PHF2: variants seen among roughly 807,000 people sequenced by gnomAD.
PHF2 encodes PHD finger protein 2.
In PHF2, 27 loss-of-function variants were observed where a neutral mutation model predicts 120.5. That is an observed-to-expected ratio of 0.22 (90% CI 0.17 to 0.31). The LOEUF (loss-of-function observed/expected upper bound fraction) is 0.31. Among genes scored for constraint, PHF2 ranks in the 10% least tolerant of loss-of-function variants. The pLI is 1.00. For synonymous variants in PHF2, 568 were observed against 592.5 expected, an observed-to-expected ratio of 0.96 and a Z score of 0.60; for missense variants, 1,024 against 1,434.8, an observed-to-expected ratio of 0.71 and a Z score of 4.63.
Position 93,665,812 on chromosome 9 carries a change from C to T in PHF2, c.2064C>T (p.Ile688=), listed in dbSNP as rs756453304. ...EYVSDDGELK[I]DEFPIRRKKN... ...TGTCGGATGACGGTGAGCTCAAGAT[C>T]GACGAGTTTCCCATCAGGAGGAAGA... Residue 688 remains isoleucine, a synonymous_variant, in exon 15 of 22, where the codon ATC becomes ATT. Transcript: ENST00000359246. The T allele has an allele frequency of 1.1e-5, 17 of 1,613,704 alleles. 1 individual carries two copies. Among genetic ancestry groups the T allele is most frequent in the South Asian group, 3.3e-5 (3 of 91,074 alleles).
At chr9:93,658,763 G>T (rs1163544736) in intron 10 of PHF2, among the ~76,000 whole-genome samples, 1 of 152,062 alleles carries the variant, frequency 6.6e-6, no homozygotes, top group Non-Finnish European at 1.5e-5. Context: ...CTGATTGCAG[G>T]TGCAGCACCC....
In PHF2 at chr9:93,656,027, G is replaced by A. The variant is rs774181560; in HGVS notation, c.1040+6G>A. The stretch of plus-strand genomic sequence containing the variant: ...AGTGTGGAGATGCAGATGAGGTAGT[G>A]CCTGCCGCGCTGTCTGCCCTCGGGC... On this transcript the variant is annotated splice_donor_region_variant and intron_variant, in intron 8 of 21. Coordinates refer to ENST00000359246, the MANE Select transcript of PHF2 (RefSeq NM_005392.4). The surrounding 1 kb of genome is among the most constrained non-coding windows in gnomAD (Gnocchi z 4.1). 1 of 1,609,470 alleles carries A rather than the reference G, an allele frequency of 6.2e-7. No homozygotes were observed. The highest frequency in any genetic ancestry group is 8.5e-7 in the Non-Finnish European group (1 of 1,177,862).
intron 1 of PHF2, among the ~76,000 whole-genome samples, chr9:93,583,778 G>C (rs1253224672): frequency 1.3e-5 from 2 of 149,012 alleles, no homozygotes; most frequent in Non-Finnish European, 3.0e-5. Context: ...TTGCTGAAGT[G>C]TAAGAGTTCT....
chr9:93,648,981 C>A, intron 4 of PHF2, 90 bp from the exon 5 acceptor site: 1 of 1,449,872 alleles, frequency 6.9e-7, no homozygotes, highest in Non-Finnish European at 9.4e-7. Flanking sequence ...TGAGGGCAGC[C>A]AAGAGTGTGT....
chr9:93,610,240 G>T (rs1234944245), intron 1 of PHF2, among the ~76,000 whole-genome samples: 1 of 151,774 alleles, frequency 6.6e-6, no homozygotes, highest in Non-Finnish European at 1.5e-5. Context: ...ATTACATGTT[G>T]TTACACCTTT....
chr9:93,673,729 G>A lies in PHF2; in HGVS notation c.2493G>A (p.Arg831=), dbSNP rs1215380761. 2 of 1,613,364 alleles carry A rather than the reference G, an allele frequency of 1.2e-6. No individual in the cohort carries two copies. The highest frequency in any genetic ancestry group is 8.5e-7 in the Non-Finnish European group (1 of 1,179,756). ...KGSSLAAHGA[R]KNGGGSGKSA... ...GCTCGCTGGCTGCCCATGGTGCCCGGAAGAATGGGGGTGGCAGTGGCAAGA... is the reference window on the plus strand; with the variant it reads ...GCTCGCTGGCTGCCCATGGTGCCCGAAAGAATGGGGGTGGCAGTGGCAAGA... The change falls in exon 18 of 22, where the codon CGG becomes CGA. Residue 831 remains arginine, a synonymous_variant. Transcript: ENST00000359246.
At position 93,576,663 on chromosome 9, in the gene PHF2, C is replaced by CGGCAACATGG; in HGVS notation, c.-111_-110insGGCAACATGG. 1 of 173,276 alleles carries CGGCAACATGG rather than the reference C, an allele frequency of 5.8e-6. No homozygotes were observed. The highest frequency in any genetic ancestry group is 1.1e-5 in the Non-Finnish European group (1 of 91,704). The allele number at this position is 173,276 out of a possible 1,614,324, so 10.7% of individuals were successfully genotyped here. Reference sequence around the variant, plus strand: ...TCCCCGTCCCCTCCCGGCCGCGGCGCCGCCTGCGCCCCGCCGCCCCCGCCG... The same window carrying CGGCAACATGG: ...TCCCCGTCCCCTCCCGGCCGCGGCGCGGCAACATGGCGCCTGCGCCCCGCCGCCCCCGCCG... On this transcript the variant is annotated 5_prime_UTR_variant, in exon 1 of 22. It adds an upstream start codon to the 5' untranslated region. Transcript: ENST00000359246.
intron 1 of PHF2, among the ~76,000 whole-genome samples, chr9:93,582,965 T>G (rs1158809006): frequency 1.3e-5 from 2 of 152,192 alleles, no homozygotes; most frequent in Non-Finnish European, 2.9e-5. Context: ...TGGCATTTAG[T>G]GTCTTCATAG....
intron 2 of PHF2, among the ~76,000 whole-genome samples, chr9:93,635,344 T>A (rs972531042): frequency 7.9e-5 from 12 of 151,672 alleles, no homozygotes; most frequent in Admixed American, 4.6e-4. Context: ...CACATGGCCT[T>A]CTAAGGCCCC....
chr9:93,630,024 A>G lies in PHF2; in HGVS notation c.153A>G (p.Pro51=), dbSNP rs1169285780. Residue 51 remains proline, a synonymous_variant, in exon 2 of 22, where the codon CCA becomes CCG. Coordinates refer to ENST00000359246, the MANE Select transcript of PHF2 (RefSeq NM_005392.4). ...EAPDIDIYHC[P]NCEKTHGKST... ...CCGACATCGACATATACCACTGCCC[A>G]AACTGTGAGAAAACCCATGGGAAGT... The G allele has an allele frequency of 6.2e-7, 1 of 1,613,690 alleles. No individual in the cohort carries two copies. The highest frequency in any genetic ancestry group is 8.5e-7 in the Non-Finnish European group (1 of 1,180,044).
At chr9:93,607,503 A>T (rs948829061) in intron 1 of PHF2, among the ~76,000 whole-genome samples, 12 of 147,594 alleles carry the variant, frequency 8.1e-5, no homozygotes, top group African/African-American at 3.0e-4. Context: ...GGCTGGTCTC[A>T]AACTCCTGGA....
intron 11 of PHF2, 84 bp downstream of exon 11, chr9:93,659,684 T>A: frequency 7.9e-7 from 1 of 1,261,368 alleles, no homozygotes; most frequent in Non-Finnish European, 1.1e-6. Context: ...GGGGCCAGCC[T>A]AACACAGAGC....
intron 7 of PHF2, 80 bp from the exon 8 acceptor site, chr9:93,655,854 G>C: frequency 9.5e-7 from 1 of 1,048,414 alleles, no homozygotes; most frequent in Non-Finnish European, 1.4e-6. Context: ...GCTGGTCTCC[G>C]CCGCTCCCTG....
intron 10 of PHF2, among the ~76,000 whole-genome samples, chr9:93,659,208 C>T (rs1482107655): frequency 1.3e-5 from 2 of 152,250 alleles, no homozygotes; most frequent in Non-Finnish European, 2.9e-5. Context: ...TGCCACCTCA[C>T]CTTAGCCATG....
At chr9:93,647,655 T>C (rs1826285440) in intron 4 of PHF2, among the ~76,000 whole-genome samples, 1 of 152,148 alleles carries the variant, frequency 6.6e-6, no homozygotes, top group Non-Finnish European at 1.5e-5. Context: ...TTTAGGAGGC[T>C]GAGGTGGGTG....
chr9:93,622,984 G>A (rs912159994), intron 1 of PHF2, among the ~76,000 whole-genome samples: 2 of 152,228 alleles, frequency 1.3e-5, no homozygotes, highest in African/African-American at 4.8e-5. Context: ...TGGGATGGTG[G>A]CAGAATCAGG....
In PHF2 at chr9:93,663,636, G is replaced by A; in HGVS notation, c.1937+1G>A. 6.3e-7 allele frequency: 1 copy of A among 1,584,186 alleles called. No homozygotes were observed. The highest frequency in any genetic ancestry group is 8.7e-7 in the Non-Finnish European group (1 of 1,155,092). On this transcript the variant is annotated splice_donor_variant, in intron 14 of 21. Coordinates refer to ENST00000359246, the MANE Select transcript of PHF2 (RefSeq NM_005392.4). LOFTEE classifies it high-confidence loss of function. ...CTTTCTCCAACAAGAAACTCCTCGG[G>A]TATGTGAGTGCCTGGATGGGAGGGG...
chr9:93,634,063 A>C (rs900966166), intron 2 of PHF2, among the ~76,000 whole-genome samples: 4 of 152,136 alleles, frequency 2.6e-5, no homozygotes, highest in Non-Finnish European at 4.4e-5. Context: ...GTGGTGACCT[A>C]AGGGCAGGCA....
chr9:93,624,799 C>T (rs1208054407), intron 1 of PHF2, among the ~76,000 whole-genome samples: 3 of 133,304 alleles, frequency 2.3e-5, no homozygotes, highest in East Asian at 2.3e-4. Flanking sequence ...TGTGGCAGTG[C>T]TGGTGATGGT....
Sources: gnomAD v4.1 joint callset for allele counts (sites outside exome capture counted in the v4.1 genomes callset) on GRCh38, gnomAD v4.1.1 for gene constraint, Gnocchi (gnomAD v3.1) non-coding constraint, MANE v1.5 for transcripts, NCBI Gene and HGNC (gene_info 2026-07-23, HGNC 2026-07-21) for gene names.